The following RTN4RL1 variants were observed in gnomAD, a reference collection of about 807,000 sequenced individuals.
RTN4RL1 encodes reticulon-4 receptor-like 1.
In RTN4RL1, 7 loss-of-function variants were observed where a neutral mutation model predicts 25.6. The observed-to-expected ratio is 0.27, with a 90% CI of 0.16 to 0.51. RTN4RL1 has a LOEUF of 0.51. RTN4RL1 is among the 20% of genes least tolerant of loss of function. The probability of loss-of-function intolerance (pLI) is 0.97; values close to 1 mark genes in which losing one functional copy is unlikely to be tolerated. For missense variants in RTN4RL1, 500 were observed against 615.6 expected, an observed-to-expected ratio of 0.81 and a Z score of 1.99; for synonymous variants, 297 against 288.2, an observed-to-expected ratio of 1.03 and a Z score of -0.31.
intron 1 of RTN4RL1, among the ~76,000 whole-genome samples, chr17:1,977,533 C>A (rs564133598): frequency 6.6e-6 from 1 of 152,298 alleles, no homozygotes; most frequent in African/African-American, 2.4e-5. Flanking sequence ...CCCCACCCCG[C>A]CCGCCGGCCT....
At position 1,936,441 on chromosome 17, in the gene RTN4RL1, A is replaced by T. The variant is rs1915304776; in HGVS notation, c.*55T>A. The T allele has an allele frequency of 1.4e-6, 2 of 1,481,314 alleles. No homozygotes were observed. The highest frequency in any genetic ancestry group is 5.0e-5 in the East Asian group (2 of 40,284). The allele number at this position is 1,481,314 out of a possible 1,614,324, so 91.8% of individuals were successfully genotyped here. A position where few individuals can be genotyped will look rare whatever the true frequency, so the allele number is the denominator to read the frequency against. On this transcript the variant is annotated 3_prime_UTR_variant, in exon 2 of 2. Coordinates refer to ENST00000331238, the MANE Select transcript of RTN4RL1 (RefSeq NM_178568.4). Reference sequence around the variant, plus strand: ...CCACTTGTTAAAAAAAGAAGAAAATAAATTCTGTTCCTTGGTGGACATGTG... The same window carrying T: ...CCACTTGTTAAAAAAAGAAGAAAATTAATTCTGTTCCTTGGTGGACATGTG...
At chr17:1,990,869 C>G (rs139108859) in intron 1 of RTN4RL1, among the ~76,000 whole-genome samples, 58 of 152,310 alleles carry the variant, frequency 3.8e-4, no homozygotes, top group African/African-American at 1.3e-3. Flanking sequence ...CTTAAAGTCT[C>G]TCTGAGCTGT....
intron 1 of RTN4RL1, among the ~76,000 whole-genome samples, chr17:1,989,364 C>T (rs1008062506): frequency 1.3e-5 from 2 of 150,596 alleles, no homozygotes; most frequent in Non-Finnish European, 3.0e-5. Flanking sequence ...TTGGAAGGCA[C>T]ATCAAACTTT....
intron 1 of RTN4RL1, among the ~76,000 whole-genome samples, chr17:1,988,844 C>CCG (rs537089471): frequency 6.6e-6 from 1 of 151,996 alleles, no homozygotes; most frequent in African/African-American, 2.4e-5. Flanking sequence ...GCAGCACAGC[C>CCG]CAGGTACATG....
intron 1 of RTN4RL1, among the ~76,000 whole-genome samples, chr17:1,957,562 C>T (rs900606025): frequency 2.6e-5 from 4 of 152,088 alleles, no homozygotes; most frequent in Non-Finnish European, 4.4e-5. Context: ...GTGGCAGGGC[C>T]GGGTGCAGTG....
intron 1 of RTN4RL1, among the ~76,000 whole-genome samples, chr17:1,989,574 T>C (rs1243447217): frequency 6.6e-6 from 1 of 151,946 alleles, no homozygotes; most frequent in African/African-American, 2.4e-5. Flanking sequence ...GTTTTTTATT[T>C]ATTTATTTTT....
At chr17:1,944,088 G>A (rs890967696) in intron 1 of RTN4RL1, among the ~76,000 whole-genome samples, 5 of 152,102 alleles carry the variant, frequency 3.3e-5, no homozygotes, top group East Asian at 1.9e-4. Context: ...ACCACGCTCC[G>A]TGAATTTTTT....
intron 1 of RTN4RL1, chr17:2,023,774 T>G (rs1275344568): frequency 6.6e-6 from 1 of 151,318 alleles, no homozygotes; most frequent in Non-Finnish European, 1.5e-5. Flanking sequence ...CTCGGTCTGT[T>G]GCCATGGAAA....
intron 1 of RTN4RL1, among the ~76,000 whole-genome samples, chr17:1,958,892 A>G (rs1915843278): frequency 6.6e-6 from 1 of 152,270 alleles, no homozygotes. Context: ...AAACTGCATT[A>G]GTCAAAATAT....
intron 1 of RTN4RL1, among the ~76,000 whole-genome samples, chr17:1,964,548 T>C (rs998461624): frequency 5.9e-5 from 9 of 152,022 alleles, no homozygotes; most frequent in East Asian, 3.9e-4. Context: ...CTGGCTAACA[T>C]GGTGAAACCC....
At chr17:1,988,885 G>A (rs1019648902) in intron 1 of RTN4RL1, among the ~76,000 whole-genome samples, 22 of 150,132 alleles carry the variant, frequency 1.5e-4, no homozygotes, top group African/African-American at 5.6e-4. Context: ...GTCAGCATGA[G>A]CGGACACTGG....
At chr17:1,997,145 A>G (rs1208524714) in intron 1 of RTN4RL1, among the ~76,000 whole-genome samples, 2 of 152,200 alleles carry the variant, frequency 1.3e-5, no homozygotes, top group Non-Finnish European at 1.5e-5. Context: ...TAATGCATTC[A>G]CACTGCACTT....
chr17:1,973,783 A>G (rs1050489522), intron 1 of RTN4RL1, among the ~76,000 whole-genome samples: 1 of 152,180 alleles, frequency 6.6e-6, no homozygotes, highest in African/African-American at 2.4e-5. Flanking sequence ...TCATACCTGT[A>G]ATCCCAGCAC....
chr17:1,982,569 G>A (rs971125396), intron 1 of RTN4RL1, among the ~76,000 whole-genome samples: 5 of 151,360 alleles, frequency 3.3e-5, no homozygotes, highest in African/African-American at 4.9e-5. Context: ...AGCCGAGATC[G>A]CGCCACTGCA....
intron 1 of RTN4RL1, among the ~76,000 whole-genome samples, chr17:1,949,538 G>A (rs1915633022): frequency 6.6e-6 from 1 of 152,014 alleles, no homozygotes; most frequent in Middle Eastern, 3.4e-3. Context: ...CCGAAGACCC[G>A]CCCCTTCCCT....
At chr17:2,024,542 C>T (rs1476031641) in intron 1 of RTN4RL1, among the ~76,000 whole-genome samples, 1 of 152,170 alleles carries the variant, frequency 6.6e-6, no homozygotes, top group Non-Finnish European at 1.5e-5. Flanking sequence ...TTTATCCCAG[C>T]AAAGCAAAGG....
At chr17:1,966,123 G>A (rs959737350) in intron 1 of RTN4RL1, among the ~76,000 whole-genome samples, 6 of 152,076 alleles carry the variant, frequency 3.9e-5, no homozygotes, top group African/African-American at 2.4e-5. Context: ...TCATTATTCC[G>A]GTATTCCCAG....
At chr17:1,963,939 C>CTGG (rs2066777416) in intron 1 of RTN4RL1, among the ~76,000 whole-genome samples, 1 of 152,136 alleles carries the variant, frequency 6.6e-6, no homozygotes, top group African/African-American at 2.4e-5. Flanking sequence ...GTTGGTCAGG[C>CTGG]TGGTCTCAGA....
chr17:1,940,791 C>T (rs1002936850), intron 1 of RTN4RL1, among the ~76,000 whole-genome samples: 1 of 152,130 alleles, frequency 6.6e-6, no homozygotes, highest in African/African-American at 2.4e-5. Flanking sequence ...TAGGAAGCTT[C>T]CTCCCCCAGG....
Sources: allele counts gnomAD v4.1 joint callset (sites outside exome capture counted in the v4.1 genomes callset), GRCh38; gene constraint gnomAD v4.1.1; transcripts MANE v1.5; gene names NCBI Gene and HGNC (gene_info 2026-07-23, HGNC 2026-07-21).